The following MCTP1 variants were observed in gnomAD, a reference collection of about 807,000 sequenced individuals.
MCTP1 encodes multiple C2 and transmembrane domain containing 1, also known as multiple C2 and transmembrane domain-containing protein 1.
Under a neutral mutation model 120.6 loss-of-function variants are expected in MCTP1, and 69 were observed. The observed-to-expected ratio is 0.57, with a 90% confidence interval of 0.47 to 0.70. MCTP1 has a LOEUF of 0.70. MCTP1 is among the 30% of genes least tolerant of loss of function. The pLI, the probability that MCTP1 is intolerant of heterozygous loss-of-function variation, is 0.00. For synonymous variants in MCTP1, 529 were observed against 493.1 expected (o/e 1.07, Z -0.96); for missense variants, 1,203 against 1,248.8 (o/e 0.96, Z 0.55).
intron 1 of MCTP1, among the ~76,000 whole-genome samples, chr5:95,031,790 A>C (rs1394744938): frequency 6.6e-6 from 1 of 152,210 alleles, no homozygotes. Flanking sequence ...AAAAAGACAT[A>C]GAGTGGCAAA....
intron 1 of MCTP1, among the ~76,000 whole-genome samples, chr5:95,168,149 G>A (rs1400963173): frequency 6.6e-6 from 1 of 152,194 alleles, no homozygotes; most frequent in East Asian, 1.9e-4. Flanking sequence ...TTATTAAATA[G>A]GGAATCCTTT....
At chr5:95,134,170 C>T (rs569682770) in intron 1 of MCTP1, among the ~76,000 whole-genome samples, 13 of 152,230 alleles carry the variant, frequency 8.5e-5, no homozygotes, top group South Asian at 2.1e-4. Flanking sequence ...AAATATTTAT[C>T]GGATCATTAT....
chr5:95,048,584 G>A (rs1403825168), intron 1 of MCTP1, among the ~76,000 whole-genome samples: 1 of 152,092 alleles, frequency 6.6e-6, no homozygotes, highest in Non-Finnish European at 1.5e-5. Context: ...CACTTATTAA[G>A]CAACTAAAGG....
At chr5:94,925,496 C>G (rs1017485653) in intron 6 of MCTP1, among the ~76,000 whole-genome samples, 9 of 152,046 alleles carry the variant, frequency 5.9e-5, no homozygotes, top group Non-Finnish European at 8.8e-5. Context: ...GCAAGCTCCA[C>G]CTCCCGGGTT....
Position 94,931,969 on chromosome 5 carries a change from C to G in MCTP1, c.1196G>C (p.Trp399Ser). 6.2e-7 allele frequency: 1 copy of G among 1,603,848 alleles called. No homozygotes were observed. The highest frequency in any genetic ancestry group is 1.1e-5 in the South Asian group (1 of 90,632). The change falls in exon 6 of 23, where the codon TGG becomes TCG. Residue 399 changes from tryptophan to serine, a missense_variant. Physicochemically the swap from Trp to Ser is radical, Grantham distance 177. Coordinates refer to ENST00000515393, the MANE Select transcript of MCTP1 (RefSeq NM_024717.7). ...AAGAATTACCTTACTTGATCTTTTCCAACTCTTCCTCATTAGCATTGTCTG... is the reference window on the plus strand; with the variant it reads ...AAGAATTACCTTACTTGATCTTTTCGAACTCTTCCTCATTAGCATTGTCTG... ...RDVTMLMRKS[W>S]KRSSKELSEN...
chr5:95,100,800 G>T (rs1415502044), intron 1 of MCTP1, among the ~76,000 whole-genome samples: 2 of 152,074 alleles, frequency 1.3e-5, no homozygotes, highest in African/African-American at 2.4e-5. Context: ...ACTCAGTAGG[G>T]GTGAAAGCAA....
At chr5:95,188,129 T>C (rs893163776) in intron 1 of MCTP1, among the ~76,000 whole-genome samples, 3 of 152,012 alleles carry the variant, frequency 2.0e-5, no homozygotes, top group African/African-American at 4.8e-5. Context: ...CCAAGACAGA[T>C]ACATAGATGG....
chr5:94,904,440 T>C (rs1806284819), intron 10 of MCTP1, among the ~76,000 whole-genome samples: 1 of 152,182 alleles, frequency 6.6e-6, no homozygotes, highest in Non-Finnish European at 1.5e-5. Context: ...TTATTATTAT[T>C]GTTTCTTTCC....
At chr5:95,073,819 G>A (rs1752852676) in intron 1 of MCTP1, among the ~76,000 whole-genome samples, 1 of 152,038 alleles carries the variant, frequency 6.6e-6, no homozygotes, top group Non-Finnish European at 1.5e-5. Flanking sequence ...AGAATTACCT[G>A]GGCTTTTCTT....
intron 1 of MCTP1, among the ~76,000 whole-genome samples, chr5:95,141,119 T>G (rs1286906580): frequency 6.6e-6 from 1 of 152,132 alleles, no homozygotes; most frequent in Non-Finnish European, 1.5e-5. Context: ...GGGGTTATAC[T>G]GATTTGAAAC....
chr5:95,198,539 G>A (rs1750643411), intron 1 of MCTP1, among the ~76,000 whole-genome samples: 1 of 152,156 alleles, frequency 6.6e-6, no homozygotes, highest in African/African-American at 2.4e-5. Flanking sequence ...ACTAGGTTAA[G>A]CTATGGTATT....
intron 10 of MCTP1, among the ~76,000 whole-genome samples, chr5:94,908,548 A>T (rs1051110060): frequency 1.3e-5 from 2 of 152,030 alleles, no homozygotes; most frequent in Admixed American, 1.3e-4. Flanking sequence ...AAATTAACAA[A>T]TTCTTCAGTA....
At chr5:94,849,834 CA>C (rs924681820) in intron 17 of MCTP1, among the ~76,000 whole-genome samples, 1 of 151,304 alleles carries the variant, frequency 6.6e-6, no homozygotes, top group African/African-American at 2.4e-5. Context: ...AAAACTGCTG[CA>C]AAAAAAAGAA....
intron 12 of MCTP1, 57 bp downstream of exon 12, chr5:94,888,822 G>A: frequency 9.8e-7 from 1 of 1,022,760 alleles, no homozygotes; most frequent in Non-Finnish European, 1.6e-6. Context: ...TTATTAAATG[G>A]TGTAGACCTT....
intron 12 of MCTP1, among the ~76,000 whole-genome samples, chr5:94,882,547 T>A (rs868714093): frequency 8.6e-5 from 13 of 151,642 alleles, no homozygotes; most frequent in African/African-American, 2.7e-4. Flanking sequence ...AAATATTTTT[T>A]AAGTTTAATT....
intron 1 of MCTP1, among the ~76,000 whole-genome samples, chr5:95,248,995 G>A (rs925236965): frequency 2.6e-5 from 4 of 152,000 alleles, no homozygotes; most frequent in Admixed American, 6.6e-5. Flanking sequence ...TCCTTACACC[G>A]TATACAAAAA....
intron 17 of MCTP1, among the ~76,000 whole-genome samples, chr5:94,802,041 C>A (rs1781337958): frequency 6.6e-6 from 1 of 152,100 alleles, no homozygotes; most frequent in Non-Finnish European, 1.5e-5. Context: ...GGCACCAGAA[C>A]ATGGATTGGA....
chr5:94,933,839 A>G (rs963647981), intron 5 of MCTP1, among the ~76,000 whole-genome samples: 1 of 151,900 alleles, frequency 6.6e-6, no homozygotes, highest in Non-Finnish European at 1.5e-5. Context: ...TAAACAAAAC[A>G]TAGGACCAGT....
chr5:94,953,844 C>T (rs537874190), intron 2 of MCTP1, among the ~76,000 whole-genome samples: 3,650 of 13,912 alleles, frequency 0.26, 623 homozygotes, highest in Middle Eastern at 0.38. Context: ...TATATATATA[C>T]ACAACTATAT....
Sources: allele counts gnomAD v4.1 joint callset (sites outside exome capture counted in the v4.1 genomes callset), GRCh38; gene constraint gnomAD v4.1.1; transcripts MANE v1.5; gene names NCBI Gene and HGNC (gene_info 2026-07-23, HGNC 2026-07-21).